The following NEK10 variants were observed in gnomAD, a reference collection of about 807,000 sequenced individuals.
NEK10 encodes serine/threonine-protein kinase Nek10.
Under a neutral mutation model 159.8 loss-of-function variants are expected in NEK10, and 122 were observed. The ratio of observed to expected loss-of-function variants is 0.76; its 90% CI spans 0.66 to 0.89. NEK10 has a LOEUF of 0.89. Ranked by LOEUF, NEK10 falls within the 40% of genes least tolerant of loss-of-function variation. The pLI is 0.00. For synonymous variants in NEK10, 466 were observed against 457.1 expected (o/e 1.02, Z -0.25); for missense variants, 1,342 against 1,323.1 (o/e 1.01, Z -0.22).
chr3:27,132,851 A>C (rs1043704048), intron 31 of NEK10, among the ~76,000 whole-genome samples: 3 of 152,200 alleles, frequency 2.0e-5, no homozygotes, highest in Non-Finnish European at 4.4e-5. Flanking sequence ...CAGTCAGAAA[A>C]AAGATGGCTA....
intron 5 of NEK10, among the ~76,000 whole-genome samples, chr3:27,328,221 C>G (rs1302569824): frequency 1.3e-5 from 2 of 152,088 alleles, no homozygotes; most frequent in Non-Finnish European, 2.9e-5. Context: ...TGTGATCAGC[C>G]AAGTACTGTT....
intron 30 of NEK10, among the ~76,000 whole-genome samples, chr3:27,161,459 A>G (rs1270859229): frequency 6.6e-6 from 1 of 152,216 alleles, no homozygotes; most frequent in Non-Finnish European, 1.5e-5. Flanking sequence ...CATTAGCTCT[A>G]CAAAAGAATG....
At chr3:27,358,326 T>C (rs1030759871) in intron 1 of NEK10, among the ~76,000 whole-genome samples, 46 of 152,208 alleles carry the variant, frequency 3.0e-4, no homozygotes, top group African/African-American at 1.0e-3. Context: ...CTGAATACCA[T>C]CTCAGATGGG....
intron 23 of NEK10, among the ~76,000 whole-genome samples, chr3:27,251,299 A>G (rs1955639203): frequency 6.6e-6 from 1 of 152,166 alleles, no homozygotes; most frequent in Non-Finnish European, 1.5e-5. Flanking sequence ...TATTTTTGAA[A>G]ATCCCTGCCC....
intron 14 of NEK10, among the ~76,000 whole-genome samples, chr3:27,296,592 G>C (rs770845942): frequency 6.6e-6 from 1 of 152,034 alleles, no homozygotes; most frequent in Non-Finnish European, 1.5e-5. Context: ...CTAAGTAGGA[G>C]GTAACTTTTG....
At chr3:27,116,377 C>G (rs527547860) in intron 33 of NEK10, among the ~76,000 whole-genome samples, 20 of 152,168 alleles carry the variant, frequency 1.3e-4, no homozygotes, top group African/African-American at 4.6e-4. Context: ...GGGCATTGCT[C>G]ATAGTGTCCA....
intron 30 of NEK10, among the ~76,000 whole-genome samples, chr3:27,147,092 A>C (rs999202087): frequency 3.9e-5 from 6 of 152,338 alleles, no homozygotes; most frequent in African/African-American, 1.2e-4. Flanking sequence ...TGGTTTTCAG[A>C]AAGTCACAAC....
chr3:27,292,698 G>A (rs1339287153), intron 16 of NEK10, among the ~76,000 whole-genome samples: 1 of 150,966 alleles, frequency 6.6e-6, no homozygotes, highest in African/African-American at 2.4e-5. Context: ...GCCAGGTGTG[G>A]TGGTGCATGC....
chr3:27,234,818 G>A (rs1953721957), intron 23 of NEK10, among the ~76,000 whole-genome samples: 1 of 152,014 alleles, frequency 6.6e-6, no homozygotes, highest in Admixed American at 6.6e-5. Flanking sequence ...GAGATCCTAA[G>A]CAAAAAGAAC....
intron 11 of NEK10, among the ~76,000 whole-genome samples, chr3:27,307,357 T>C (rs935387924): frequency 3.3e-5 from 5 of 152,172 alleles, no homozygotes; most frequent in Admixed American, 6.5e-5. Context: ...CTAATAACTA[T>C]CTGGATAGTT....
intron 25 of NEK10, among the ~76,000 whole-genome samples, chr3:27,193,600 ATTTTTTTTTTTTTTT>A (rs141331589): frequency 2.5e-4 from 14 of 55,080 alleles, no homozygotes; most frequent in African/African-American, 1.1e-3. Flanking sequence ...CATATGCTTG[ATTTTTTTTTTTTTTT>A]TTTTTTTTTT....
At chr3:27,125,516 C>T (rs911047783) in intron 32 of NEK10, among the ~76,000 whole-genome samples, 1 of 152,166 alleles carries the variant, frequency 6.6e-6, no homozygotes, top group Non-Finnish European at 1.5e-5. Context: ...GACTGAACTA[C>T]ACTATTATAA....
intron 25 of NEK10, among the ~76,000 whole-genome samples, chr3:27,200,203 A>G (rs189421633): frequency 6.6e-6 from 1 of 152,342 alleles, no homozygotes; most frequent in East Asian, 1.9e-4. Flanking sequence ...AAAACAGGTG[A>G]GGAGTAATAT....
chr3:27,251,899 T>C (rs951850946), intron 23 of NEK10, among the ~76,000 whole-genome samples: 2 of 152,140 alleles, frequency 1.3e-5, no homozygotes, highest in Admixed American at 6.5e-5. Context: ...CAAAATAAAA[T>C]AGACCCTACC....
At chr3:27,256,910 C>G (rs947064622) in intron 22 of NEK10, among the ~76,000 whole-genome samples, 4 of 137,108 alleles carry the variant, frequency 2.9e-5, no homozygotes, top group African/African-American at 1.1e-4. Flanking sequence ...TCTTTTTTCT[C>G]TCTTTTTTTT....
intron 23 of NEK10, chr3:27,215,128 T>C: frequency 2.6e-6 from 1 of 385,330 alleles, no homozygotes; most frequent in Non-Finnish European, 4.8e-6. Flanking sequence ...AAAACTTCCA[T>C]AGTTTCGGCT....
intron 30 of NEK10, chr3:27,143,588 C>G (rs1943997580): frequency 1.8e-6 from 1 of 563,206 alleles, no homozygotes; most frequent in African/African-American, 1.9e-5. Flanking sequence ...ACTACCCTCA[C>G]AATCCCAACA....
intron 23 of NEK10, chr3:27,253,040 C>A: frequency 2.6e-6 from 1 of 385,318 alleles, no homozygotes; most frequent in Non-Finnish European, 5.1e-6. Context: ...TTAAGAAGTG[C>A]AGTTAATAGG....
chr3:27,136,765 T>C (rs1943260736), intron 31 of NEK10, among the ~76,000 whole-genome samples: 1 of 152,182 alleles, frequency 6.6e-6, no homozygotes. Context: ...TGCTTTTAGA[T>C]GATTTTCACT....
Sources: gnomAD v4.1 joint callset for allele counts (sites outside exome capture counted in the v4.1 genomes callset) on GRCh38, gnomAD v4.1.1 for gene constraint, MANE v1.5 for transcripts, NCBI Gene and HGNC (gene_info 2026-07-23, HGNC 2026-07-21) for gene names.